The following C10orf67 variants were observed in gnomAD, a reference collection of about 807,000 sequenced individuals.
The protein encoded by C10orf67 is uncharacterized protein C10orf67, mitochondrial.
A neutral mutation model predicts 35.6 loss-of-function variants in C10orf67; 60 were observed. That is an observed-to-expected ratio of 1.68 (90% CI 1.37 to 2.09). The LOEUF (loss-of-function observed/expected upper bound fraction) is 2.09. Ranked by LOEUF, C10orf67 falls within the 30% of genes most tolerant of loss-of-function variation. C10orf67 has a pLI of 0.00. For synonymous variants in C10orf67, 167 were observed against 115.8 expected (o/e 1.44, Z -2.84); for missense variants, 474 against 330.2 (o/e 1.44, Z -3.38).
intron 5 of C10orf67, among the ~76,000 whole-genome samples, 200 bp downstream of exon 5, chr10:23,303,104 C>T (rs1163357297): frequency 6.6e-6 from 1 of 152,102 alleles, no homozygotes; most frequent in African/African-American, 2.4e-5. Context: ...TGCTCCTATT[C>T]ATTATATTGC....
At chr10:23,277,116 T>A (rs7075197) in intron 8 of C10orf67, among the ~76,000 whole-genome samples, 59,358 of 151,978 alleles carry the variant, frequency 0.39, 14,634 homozygotes, top group East Asian at 0.74. Context: ...CTAAGAGATC[T>A]GTAACTGTTT....
intron 10 of C10orf67, among the ~76,000 whole-genome samples, chr10:23,254,432 ACTC>A (rs1258218992): frequency 4.6e-5 from 7 of 151,432 alleles, no homozygotes; most frequent in African/African-American, 1.7e-4. Context: ...CTGGTCTTGA[ACTC>A]CTGATCTCAG....
chr10:23,274,500 C>T (rs372961284), intron 8 of C10orf67, among the ~76,000 whole-genome samples: 6 of 152,158 alleles, frequency 3.9e-5, no homozygotes, highest in Admixed American at 2.0e-4. Context: ...GAAAAGAATT[C>T]GGTGATATTT....
chr10:23,270,133 A>T (rs1842977881), intron 8 of C10orf67, among the ~76,000 whole-genome samples: 3 of 152,196 alleles, frequency 2.0e-5, no homozygotes, highest in Admixed American at 2.0e-4. Context: ...GTCATGCAGA[A>T]GAATAAAAAT....
chr10:23,304,917 C>T (rs1443424263), intron 4 of C10orf67, among the ~76,000 whole-genome samples: 1 of 152,168 alleles, frequency 6.6e-6, no homozygotes, highest in African/African-American at 2.4e-5. Context: ...CAAGCCTGTT[C>T]AAGCCCCTAG....
intron 3 of C10orf67, 137 bp downstream of exon 3, chr10:23,322,257 T>G: frequency 2.5e-6 from 2 of 795,366 alleles, no homozygotes. Flanking sequence ...TGAAGCTCTG[T>G]GTATTAATTA....
At chr10:23,306,983 T>A (rs1181508336) in intron 4 of C10orf67, among the ~76,000 whole-genome samples, 2 of 152,176 alleles carry the variant, frequency 1.3e-5, no homozygotes, top group East Asian at 3.8e-4. Flanking sequence ...ACAGTAAAAA[T>A]TTGAATATGT....
intron 8 of C10orf67, among the ~76,000 whole-genome samples, chr10:23,268,957 A>G (rs993839730): frequency 6.6e-6 from 1 of 152,254 alleles, no homozygotes; most frequent in African/African-American, 2.4e-5. Context: ...TTGGACTACC[A>G]TCGTGTATTT....
chr10:23,244,956 G>A (rs1173965789), intron 12 of C10orf67, among the ~76,000 whole-genome samples: 1 of 152,144 alleles, frequency 6.6e-6, no homozygotes, highest in Admixed American at 6.5e-5. Context: ...GAGAAACTAT[G>A]TTACAAAGCT....
At chr10:23,215,667 C>A (rs1211992417) in intron 15 of C10orf67, among the ~76,000 whole-genome samples, 1 of 151,888 alleles carries the variant, frequency 6.6e-6, no homozygotes, top group Non-Finnish European at 1.5e-5. Flanking sequence ...GCCTTTATAT[C>A]CAAACTACAT....
chr10:23,232,225 C>CA (rs1284737940), intron 13 of C10orf67, among the ~76,000 whole-genome samples: 8 of 151,798 alleles, frequency 5.3e-5, no homozygotes, highest in Non-Finnish European at 1.0e-4. Context: ...AACATGCATA[C>CA]AAAAAAACAT....
At chr10:23,204,371 C>T (rs1206460562) in intron 15 of C10orf67, 116 bp from the exon 16 acceptor site, 1 of 417,574 alleles carries the variant, frequency 2.4e-6, no homozygotes, top group Non-Finnish European at 4.3e-6. Flanking sequence ...GTCTTCCCAG[C>T]CCTGGCCCTA....
intron 10 of C10orf67, among the ~76,000 whole-genome samples, chr10:23,259,260 G>A (rs912666308): frequency 6.6e-6 from 1 of 152,152 alleles, no homozygotes; most frequent in Non-Finnish European, 1.5e-5. Flanking sequence ...AAGCTATTCT[G>A]TATATCATGC....
At chr10:23,250,194 A>G (rs1031678934) in intron 12 of C10orf67, among the ~76,000 whole-genome samples, 2 of 152,236 alleles carry the variant, frequency 1.3e-5, no homozygotes, top group Non-Finnish European at 2.9e-5. Context: ...AGGTCTGATT[A>G]AACCAGGTAT....
chr10:23,232,711 C>A (rs1841944339), intron 13 of C10orf67, among the ~76,000 whole-genome samples: 1 of 151,732 alleles, frequency 6.6e-6, no homozygotes, highest in Non-Finnish European at 1.5e-5. Flanking sequence ...AGAAAAGTTT[C>A]CAAAAAATGT....
intron 2 of C10orf67, among the ~76,000 whole-genome samples, chr10:23,326,106 G>T (rs1167457165): frequency 2.0e-5 from 3 of 152,016 alleles, no homozygotes; most frequent in Non-Finnish European, 2.9e-5. Flanking sequence ...GAAAAAGTGG[G>T]GTGGAACAAA....
At chr10:23,316,032 G>A (rs890248406) in intron 4 of C10orf67, among the ~76,000 whole-genome samples, 1 of 151,918 alleles carries the variant, frequency 6.6e-6, no homozygotes. Context: ...TGTGGTCAGT[G>A]GCACTTTTGC....
chr10:23,289,575 A>C (rs1028239926), intron 7 of C10orf67, among the ~76,000 whole-genome samples: 2 of 152,236 alleles, frequency 1.3e-5, no homozygotes, highest in African/African-American at 4.8e-5. Context: ...TCTGAAAATA[A>C]GACTGTTCAT....
intron 1 of C10orf67, among the ~76,000 whole-genome samples, chr10:23,338,682 G>T (rs1321734868): frequency 6.6e-6 from 1 of 152,084 alleles, no homozygotes; most frequent in East Asian, 1.9e-4. Flanking sequence ...TCACCCAGAA[G>T]TGGCTCGCCT....
Sources: gnomAD v4.1 joint callset for allele counts (sites outside exome capture counted in the v4.1 genomes callset) on GRCh38, gnomAD v4.1.1 for gene constraint, MANE v1.5 for transcripts, NCBI Gene and HGNC (gene_info 2026-07-23, HGNC 2026-07-21) for gene names.